The following COTL1 variants were observed in gnomAD, a reference collection of about 807,000 sequenced individuals.
COTL1 encodes the protein coactosin like F-actin binding protein 1.
Under a neutral mutation model 16.5 loss-of-function variants are expected in COTL1, and 15 were observed. The ratio of observed to expected loss-of-function variants is 0.91; its 90% CI spans 0.61 to 1.40. The LOEUF is 1.40. Ranked by LOEUF, COTL1 falls within the 40% of genes most tolerant of loss-of-function variation. The pLI is 0.00. For missense variants in COTL1, 220 were observed against 201.5 expected, an observed-to-expected ratio of 1.09 and a Z score of -0.56; for synonymous variants, 112 against 85.3, an observed-to-expected ratio of 1.31 and a Z score of -1.73.
chr16:84,604,834 C>A (rs1429694343), intron 2 of COTL1, among the ~76,000 whole-genome samples: 2 of 152,214 alleles, frequency 1.3e-5, no homozygotes, highest in African/African-American at 4.8e-5. Context: ...CCTGAAGCAG[C>A]AGCAGCTTTT....
rs181998143 is a variant in COTL1 at position 84,588,652 on chromosome 16, C to T, written c.318+1453G>A. The stretch of plus-strand genomic sequence containing the variant: ...CAGCCTCCCAAGTAGCTGGGACTAC[C>T]GGTATGCACCACCACACAGGGCTAA... On this transcript the variant is annotated intron_variant, in intron 3 of 3. Transcript: ENST00000262428. 1.4e-3 allele frequency among the ~76,000 whole-genome samples: 210 copies of T among 151,080 alleles called. 1 individual carries two copies. The highest frequency in any genetic ancestry group is 0.011 in the Middle Eastern group (3 of 280).
At chr16:84,591,475 C>T (rs973861842) in intron 2 of COTL1, among the ~76,000 whole-genome samples, 2 of 145,452 alleles carry the variant, frequency 1.4e-5, no homozygotes, top group African/African-American at 5.3e-5. Context: ...TGAGCCACCG[C>T]GCCCAGCCTG....
At chr16:84,586,588 T>C (rs1476292447) in intron 3 of COTL1, among the ~76,000 whole-genome samples, 1 of 152,230 alleles carries the variant, frequency 6.6e-6, no homozygotes, top group African/African-American at 2.4e-5. Context: ...CTTTATGTTA[T>C]TGTATTTTAC....
chr16:84,605,983 A>G (rs571792858), intron 2 of COTL1, among the ~76,000 whole-genome samples: 3 of 152,378 alleles, frequency 2.0e-5, no homozygotes, highest in Admixed American at 1.3e-4. Context: ...CTAAGTACCT[A>G]GAAGACAAAG....
chr16:84,592,198 T>C (rs17826353), intron 2 of COTL1, among the ~76,000 whole-genome samples: 11,903 of 152,296 alleles, frequency 0.078, 606 homozygotes, highest in South Asian at 0.18. Context: ...CCCTTTTGTG[T>C]TTTCCAACAA....
At chr16:84,587,484 G>A (rs1442526444) in intron 3 of COTL1, among the ~76,000 whole-genome samples, 3 of 152,194 alleles carry the variant, frequency 2.0e-5, no homozygotes, top group Non-Finnish European at 4.4e-5. Flanking sequence ...AAAATTGGAA[G>A]CAACTTAAGA....
At chr16:84,578,220 CTG>C (rs1361245201) in intron 3 of COTL1, among the ~76,000 whole-genome samples, 2 of 152,212 alleles carry the variant, frequency 1.3e-5, no homozygotes, top group Non-Finnish European at 2.9e-5. Context: ...CCCATCAAAA[CTG>C]TGCCCAGCAT....
chr16:84,582,031 G>A (rs7196376), intron 3 of COTL1, among the ~76,000 whole-genome samples: 19,383 of 134,238 alleles, frequency 0.14, 3,032 homozygotes, highest in African/African-American at 0.39. Flanking sequence ...TGTTGCCCAG[G>A]CTGGAGTGCA....
intron 2 of COTL1, among the ~76,000 whole-genome samples, chr16:84,606,260 C>T (rs1905208968): frequency 6.6e-6 from 1 of 152,212 alleles, no homozygotes; most frequent in African/African-American, 2.4e-5. Flanking sequence ...GGGGCCAGAG[C>T]AGTCACATGG....
chr16:84,587,861 T>A (rs7201819), intron 3 of COTL1, among the ~76,000 whole-genome samples: 40,136 of 151,888 alleles, frequency 0.26, 5,836 homozygotes, highest in East Asian at 0.5. Flanking sequence ...AACTTCCGCC[T>A]CCTGGTTTCA....
intron 2 of COTL1, among the ~76,000 whole-genome samples, chr16:84,592,072 C>G (rs777674201): frequency 7.2e-5 from 11 of 152,294 alleles, no homozygotes; most frequent in Middle Eastern, 3.4e-3. Context: ...CCTGGCCCCA[C>G]CAGTTATGAC....
At chr16:84,569,739 A>C (rs1904314937) in intron 3 of COTL1, among the ~76,000 whole-genome samples, 2 of 152,228 alleles carry the variant, frequency 1.3e-5, no homozygotes, top group East Asian at 3.8e-4. Context: ...GTGCAATGAA[A>C]GAACACAAGT....
intron 2 of COTL1, among the ~76,000 whole-genome samples, chr16:84,597,860 A>C (rs1406059678): frequency 6.6e-6 from 1 of 152,104 alleles, no homozygotes; most frequent in East Asian, 1.9e-4. Context: ...CTCCCTCCCC[A>C]AAATCCCACA....
chr16:84,598,526 G>T (rs1006113642), intron 2 of COTL1, among the ~76,000 whole-genome samples: 2 of 152,106 alleles, frequency 1.3e-5, no homozygotes, highest in African/African-American at 4.8e-5. Context: ...CCTGGTGGCT[G>T]TTACATGCTC....
At chr16:84,568,104 T>C (rs1266201165) in intron 3 of COTL1, 8 of 152,182 alleles carry the variant, frequency 5.3e-5, no homozygotes, top group African/African-American at 1.9e-4. Context: ...TTCAAGCCAT[T>C]CTCATGTCTC....
At chr16:84,605,873 A>C (rs929666818) in intron 2 of COTL1, among the ~76,000 whole-genome samples, 2 of 152,260 alleles carry the variant, frequency 1.3e-5, no homozygotes, top group African/African-American at 4.8e-5. Context: ...GCCATAGGAA[A>C]GTAACACAAT....
In COTL1 at chr16:84,617,790, C is replaced by A. The variant is rs1368548337; in HGVS notation, c.77+48G>T. 3.3e-6 allele frequency: 5 copies of A among 1,531,332 alleles called. No individual in the cohort carries two copies. The South Asian group carries it at 3.6e-5, about 11-fold the overall frequency. The allele number at this position is 1,531,332 out of a possible 1,614,324, so 94.9% of individuals were successfully genotyped here. A position where few individuals can be genotyped will look rare whatever the true frequency, so the allele number is the denominator to read the frequency against. Reference sequence around the variant, plus strand: ...GAGGCCGGCTCGGTGCACGAGGCCCCGCGCGAGCCCGGGGAGCGGGGCGTG... The same window carrying A: ...GAGGCCGGCTCGGTGCACGAGGCCCAGCGCGAGCCCGGGGAGCGGGGCGTG... On this transcript the variant is annotated intron_variant, in intron 1 of 3. Transcript: ENST00000262428.
chr16:84,598,713 C>T (rs1905055306), intron 2 of COTL1, among the ~76,000 whole-genome samples: 1 of 138,300 alleles, frequency 7.2e-6, no homozygotes, highest in Admixed American at 7.1e-5. Flanking sequence ...CAGGGAAAGG[C>T]CAGAGGGGGT....
rs758059148 is a variant in COTL1, at chr16:84,613,001, TC to T, written c.160+4499del. 6.4e-3 allele frequency among the ~76,000 whole-genome samples: 724 copies of T among 113,338 alleles called. 2 individuals are homozygous for T. The highest frequency in any genetic ancestry group is 0.013 in the African/African-American group (378 of 29,778). 74.4% of individuals were successfully genotyped at this position (113,338 alleles called of 152,430 possible). A position where few individuals can be genotyped will look rare whatever the true frequency, so the allele number is the denominator to read the frequency against. On this transcript the variant is annotated intron_variant, in intron 2 of 3. Coordinates refer to ENST00000262428, the MANE Select transcript of COTL1 (RefSeq NM_021149.5). ...TAGAATGACTCTTTCTTTCTTTCTT[TC>T]TTTCTTTTTTTTTTTTGAGATAGAG...
Sources: gnomAD v4.1 joint callset for allele counts (sites outside exome capture counted in the v4.1 genomes callset) on GRCh38, gnomAD v4.1.1 for gene constraint, MANE v1.5 for transcripts, NCBI Gene and HGNC (gene_info 2026-07-23, HGNC 2026-07-21) for gene names.